Variants in MMEL1 observed in about 807,000 individuals in gnomAD.
MMEL1 encodes the protein membrane metallo-endopeptidase-like 1.
In MMEL1, 98 loss-of-function variants were observed where a neutral mutation model predicts 117.1. That is an observed-to-expected ratio of 0.84 (90% CI 0.71 to 0.99). The LOEUF is 0.99. MMEL1 is among the 50% of genes least tolerant of loss of function. The pLI, the probability that MMEL1 is intolerant of heterozygous loss-of-function variation, is 0.00. For synonymous variants in MMEL1, 390 were observed against 415.1 expected (o/e 0.94, Z 0.74); for missense variants, 1,014 against 1,049.1 (o/e 0.97, Z 0.46).
intron 17 of MMEL1, 36 bp downstream of exon 17, chr1:2,594,754 C>T (rs776454311): frequency 6.4e-7 from 1 of 1,566,346 alleles, no homozygotes; most frequent in Non-Finnish European, 8.8e-7. Flanking sequence ...ACTCCCTGGC[C>T]CCCCCCGCCC....
At chr1:2,597,829 C>A in intron 13 of MMEL1, among the ~76,000 whole-genome samples, 1 of 152,134 alleles carries the variant, frequency 6.6e-6, no homozygotes, top group African/African-American at 2.4e-5. Flanking sequence ...CCTTCCTGTC[C>A]GCTGCTGACC....
intron 2 of MMEL1, among the ~76,000 whole-genome samples, chr1:2,623,313 T>C (rs1428383665): frequency 6.6e-6 from 1 of 152,184 alleles, no homozygotes; most frequent in East Asian, 1.9e-4. Context: ...TAAATAAGCA[T>C]AAAAATTTAA....
At chr1:2,607,201 TC>T in intron 6 of MMEL1, 132 bp from the exon 7 acceptor site, 1 of 710,478 alleles carries the variant, frequency 1.4e-6, no homozygotes, top group Non-Finnish European at 2.4e-6. Context: ...AGAGGCGGCC[TC>T]CCAGCCTCTG....
intron 19 of MMEL1, among the ~76,000 whole-genome samples, chr1:2,593,541 A>C (rs1644778943): frequency 6.6e-6 from 1 of 152,196 alleles, no homozygotes; most frequent in Middle Eastern, 3.2e-3. Context: ...CCCATGTCAC[A>C]GGCCGTGGGA....
At chr1:2,621,797 GGT>G (rs1645294127) in intron 2 of MMEL1, among the ~76,000 whole-genome samples, 1 of 152,116 alleles carries the variant, frequency 6.6e-6, no homozygotes, top group African/African-American at 2.4e-5. Context: ...CCCGACTTCA[GGT>G]GATCCACCTA....
rs778101158 is a variant in MMEL1 at position 2,594,878 on chromosome 1, C to T, written c.1600G>A (p.Asp534Asn). The T allele has an allele frequency of 2.5e-6, 4 of 1,613,844 alleles. No homozygotes were observed. Among genetic ancestry groups the T allele is most frequent in the East Asian group, 2.2e-5 (1 of 44,878 alleles). ...TGCAGACTGTTCTCAAAGTACAGGT[C>T]CTCTGAGAAGTTCAGCTACGGGAGA... The part of the protein sequence containing the change: ...EEYSNLNFSE[D>N]LYFENSLQNL... Residue 534 changes from aspartate (D) to asparagine (N), a missense_variant, in exon 17 of 24, where the codon GAC (aspartate) becomes AAC (asparagine). Physicochemically the swap from Asp to Asn is conservative, Grantham distance 23. Coordinates refer to ENST00000378412, the MANE Select transcript of MMEL1 (RefSeq NM_033467.4).
intron 11 of MMEL1, among the ~76,000 whole-genome samples, chr1:2,599,223 T>A (rs1557527690): frequency 6.6e-6 from 1 of 152,220 alleles, no homozygotes; most frequent in Non-Finnish European, 1.5e-5. Context: ...AAAATGCTTT[T>A]CAACTTGATT....
intron 2 of MMEL1, among the ~76,000 whole-genome samples, chr1:2,617,879 T>G (rs1645229303): frequency 6.6e-6 from 1 of 152,356 alleles, no homozygotes; most frequent in South Asian, 2.1e-4. Context: ...GAGATTTTTC[T>G]TTTTCATAAT....
chr1:2,615,842 G>A lies in MMEL1; in HGVS notation c.155-3638C>T, dbSNP rs370220595. 3.4e-4 allele frequency among the ~76,000 whole-genome samples: 52 copies of A among 152,268 alleles called. 1 individual carries two copies. The South Asian group carries it at 0.011, about 31-fold the overall frequency. ...AAATGGCTTAACATATATGTAACTA[G>A]AGACTCAGAGAGCAATATTTGAAGA... On this transcript the variant is annotated intron_variant, in intron 2 of 23. Coordinates refer to ENST00000378412, the MANE Select transcript of MMEL1 (RefSeq NM_033467.4).
At chr1:2,619,993 G>A (rs540076106) in intron 2 of MMEL1, among the ~76,000 whole-genome samples, 2 of 152,256 alleles carry the variant, frequency 1.3e-5, no homozygotes, top group South Asian at 4.1e-4. Context: ...GGGATATTGT[G>A]GGAGATACAC....
chr1:2,629,647 C>T, intron 1 of MMEL1, 126 bp from the exon 2 acceptor site: 1 of 818,868 alleles, frequency 1.2e-6, no homozygotes, highest in South Asian at 2.1e-5. Flanking sequence ...CTTCCCGTCT[C>T]CCTCTCCAAG....
rs1269268418 is a variant in MMEL1, at chr1:2,592,222, G to T, written c.2068-195C>A. ...TCAGGGACCCCTGAGCTGGGCCCTCGGGGGGGGATCCCTGGCCAGACAGCC... is the reference window on the plus strand; with the variant it reads ...TCAGGGACCCCTGAGCTGGGCCCTCTGGGGGGGATCCCTGGCCAGACAGCC... On this transcript the variant is annotated intron_variant, in intron 21 of 23. Transcript: ENST00000378412. Among the ~76,000 whole-genome samples, 4 of 19,704 alleles carry T rather than the reference G, an allele frequency of 2.0e-4. 1 individual carries two copies. The highest frequency in any genetic ancestry group is 4.3e-4 in the Admixed American group (1 of 2,304). 12.9% of individuals were successfully genotyped at this position (19,704 alleles called of 152,430 possible).
intron 13 of MMEL1, among the ~76,000 whole-genome samples, chr1:2,597,299 CCT>C (rs1451125596): frequency 5.3e-5 from 8 of 151,960 alleles, no homozygotes; most frequent in East Asian, 1.9e-4. Flanking sequence ...TCAGTGCCCC[CCT>C]GACGCTTGAC....
intron 13 of MMEL1, 26 bp from the exon 14 acceptor site, chr1:2,596,715 C>T (rs746677725): frequency 1.7e-5 from 28 of 1,608,664 alleles, no homozygotes; most frequent in South Asian, 7.7e-5. Flanking sequence ...GATCATCCCA[C>T]GGGCCCCCAC....
intron 2 of MMEL1, among the ~76,000 whole-genome samples, chr1:2,621,627 G>A (rs1645291309): frequency 6.6e-6 from 1 of 151,090 alleles, no homozygotes; most frequent in Admixed American, 6.6e-5. Context: ...GCAATGGCAC[G>A]ATCTCGGCTC....
chr1:2,615,250 A>G (rs567860503), intron 2 of MMEL1, among the ~76,000 whole-genome samples: 5 of 152,238 alleles, frequency 3.3e-5, no homozygotes, highest in Non-Finnish European at 7.3e-5. Context: ...CTTGCAGCGC[A>G]GAAACCAGAC....
At chr1:2,616,637 C>T (rs1048169901) in intron 2 of MMEL1, among the ~76,000 whole-genome samples, 4 of 152,134 alleles carry the variant, frequency 2.6e-5, no homozygotes, top group African/African-American at 4.8e-5. Flanking sequence ...AGAAGGGACA[C>T]GAAACCAGTG....
At chr1:2,594,284 TG>T in intron 18 of MMEL1, 100 bp downstream of exon 18, 2 of 1,262,002 alleles carry the variant, frequency 1.6e-6, no homozygotes, top group Non-Finnish European at 2.3e-6. Context: ...AAGAACAGGC[TG>T]GGGTGCCCCC....
intron 1 of MMEL1, among the ~76,000 whole-genome samples, chr1:2,630,686 C>T (rs527355959): frequency 3.5e-5 from 5 of 144,000 alleles, no homozygotes; most frequent in African/African-American, 1.1e-4. Flanking sequence ...CACGTGTGTG[C>T]GTGTACACTC....
Sources: allele counts gnomAD v4.1 joint callset (sites outside exome capture counted in the v4.1 genomes callset), GRCh38; gene constraint gnomAD v4.1.1; transcripts MANE v1.5; gene names NCBI Gene and HGNC (gene_info 2026-07-23, HGNC 2026-07-21).